The following PRKD1 variants were observed in gnomAD, a reference collection of about 807,000 sequenced individuals.
The protein encoded by PRKD1 is serine/threonine-protein kinase D1.
A neutral mutation model predicts 95.9 loss-of-function variants in PRKD1; 63 were observed. That is an observed-to-expected ratio of 0.66 (90% confidence interval 0.54 to 0.81). The LOEUF (loss-of-function observed/expected upper bound fraction) is 0.81, where lower values mean the gene tolerates loss of function less well. Among genes scored for constraint, PRKD1 ranks in the 30% least tolerant of loss-of-function variants. The pLI is 0.00. For missense variants in PRKD1, 1,048 were observed against 1,165.3 expected (o/e 0.90, Z 1.47); for synonymous variants, 425 against 423.1 (o/e 1.00, Z -0.05).
intron 1 of PRKD1, among the ~76,000 whole-genome samples, chr14:29,840,779 T>C (rs1891809041): frequency 6.6e-6 from 1 of 152,138 alleles, no homozygotes; most frequent in Non-Finnish European, 1.5e-5. Context: ...AAACCATTTA[T>C]AAAATCAGAT....
intron 2 of PRKD1, among the ~76,000 whole-genome samples, chr14:29,683,707 T>G (rs1008129366): frequency 5.3e-5 from 8 of 151,990 alleles, no homozygotes; most frequent in Non-Finnish European, 8.8e-5. Flanking sequence ...GGCTGAAAAA[T>G]AGTACAATGT....
At chr14:29,847,543 T>TA (rs749934203) in intron 1 of PRKD1, among the ~76,000 whole-genome samples, 18 of 151,006 alleles carry the variant, frequency 1.2e-4, no homozygotes, top group Non-Finnish European at 1.8e-4. Context: ...AAAACAAAAT[T>TA]AAAAAAAAAC....
intron 7 of PRKD1, among the ~76,000 whole-genome samples, chr14:29,635,651 A>C (rs2139126846): frequency 6.6e-6 from 1 of 152,300 alleles, no homozygotes; most frequent in Middle Eastern, 3.4e-3. Flanking sequence ...TAGTTTTTGC[A>C]AAAGACCTAA....
intron 1 of PRKD1, among the ~76,000 whole-genome samples, chr14:29,856,040 T>C (rs1892487294): frequency 6.6e-6 from 1 of 152,184 alleles, no homozygotes; most frequent in Non-Finnish European, 1.5e-5. Flanking sequence ...AATAGAGTCA[T>C]TCTCTTCCTT....
At chr14:29,583,503 G>T (rs1200081005) in intron 16 of PRKD1, among the ~76,000 whole-genome samples, 1 of 152,094 alleles carries the variant, frequency 6.6e-6, no homozygotes, top group Non-Finnish European at 1.5e-5. Flanking sequence ...TCGAAAAGTG[G>T]TATGATTATT....
intron 1 of PRKD1, among the ~76,000 whole-genome samples, chr14:29,906,720 C>A (rs371231022): frequency 3.3e-5 from 5 of 152,230 alleles, no homozygotes; most frequent in South Asian, 4.1e-4. Context: ...TGGCTGGAGG[C>A]CACTCTGCTG....
intron 2 of PRKD1, among the ~76,000 whole-genome samples, chr14:29,680,178 T>C (rs985966150): frequency 6.6e-6 from 1 of 152,142 alleles, no homozygotes; most frequent in Non-Finnish European, 1.5e-5. Context: ...TTTATTTTAG[T>C]TAAAAGTATC....
In PRKD1 at chr14:29,669,551, T is replaced by TAAAAAC. The variant is rs1230269817; in HGVS notation, c.404-3349_404-3344dup. ...GCTATTTTTAAGGTATTCTGTAGAT[T>TAAAAAC]AAAAACAAAAACAAAAACAAAACAA... On this transcript the variant is annotated intron_variant, in intron 2 of 17. Transcript: ENST00000331968. 2.0e-5 allele frequency among the ~76,000 whole-genome samples: 3 copies of TAAAAAC among 152,200 alleles called. No individual in the cohort carries two copies. In the South Asian group the frequency reaches 6.2e-4, roughly 32 times the overall value.
At chr14:29,590,396 C>A in intron 16 of PRKD1, among the ~76,000 whole-genome samples, 1 of 152,220 alleles carries the variant, frequency 6.6e-6, no homozygotes, top group Admixed American at 6.5e-5. Flanking sequence ...TTATTAAAAA[C>A]GTTAAGCTTT....
chr14:29,761,836 G>A (rs2139489784), intron 1 of PRKD1, among the ~76,000 whole-genome samples: 1 of 142,780 alleles, frequency 7.0e-6, no homozygotes, highest in Non-Finnish European at 1.5e-5. Context: ...AGGCTGGACT[G>A]CGGTGGCATG....
At position 29,680,237 on chromosome 14, in the gene PRKD1, C is replaced by T. The variant is rs142090117; in HGVS notation, c.404-14029G>A. Among the ~76,000 whole-genome samples the T allele has an allele frequency of 1.2e-4, 19 of 152,254 alleles. No individual in the cohort carries two copies. In the East Asian group the frequency reaches 3.3e-3, roughly 26 times the overall value. On this transcript the variant is annotated intron_variant, in intron 2 of 17. Transcript: ENST00000331968. Reference sequence around the variant, plus strand: ...ACATGTGCAATTAAAAAAATAATAACCCCCATTGTACTGTCCATACCACTA... The same window carrying T: ...ACATGTGCAATTAAAAAAATAATAATCCCCATTGTACTGTCCATACCACTA...
intron 1 of PRKD1, among the ~76,000 whole-genome samples, chr14:29,863,481 T>C (rs1330435323): frequency 6.6e-6 from 1 of 152,164 alleles, no homozygotes; most frequent in Non-Finnish European, 1.5e-5. Context: ...AGTTTTTCCT[T>C]TCTCTCGAAA....
intron 1 of PRKD1, among the ~76,000 whole-genome samples, chr14:29,801,984 G>A (rs146519313): frequency 5.9e-5 from 9 of 152,268 alleles, no homozygotes; most frequent in African/African-American, 1.4e-4. Flanking sequence ...CACCAGGCCC[G>A]GCCTGGGTCT....
At chr14:29,626,718 C>CT (rs34249162) in intron 11 of PRKD1, among the ~76,000 whole-genome samples, 162 bp from the exon 12 acceptor site, 67,770 of 143,362 alleles carry the variant, frequency 0.47, 18,746 homozygotes, top group East Asian at 0.66. Context: ...AAAGCACACT[C>CT]TTTTTTTTTT....
At chr14:29,690,280 A>T (rs1294417428) in intron 2 of PRKD1, among the ~76,000 whole-genome samples, 3 of 152,180 alleles carry the variant, frequency 2.0e-5, no homozygotes, top group African/African-American at 7.2e-5. Context: ...GATTTGTGTT[A>T]TCAGCTGTCT....
chr14:29,582,387 C>G (rs867683206), intron 16 of PRKD1, among the ~76,000 whole-genome samples: 1 of 150,844 alleles, frequency 6.6e-6, no homozygotes, highest in Non-Finnish European at 1.5e-5. Flanking sequence ...TGAATAATTT[C>G]AGAATCCATT....
At chr14:29,693,187 A>G (rs2139303387) in intron 2 of PRKD1, among the ~76,000 whole-genome samples, 1 of 152,278 alleles carries the variant, frequency 6.6e-6, no homozygotes, top group African/African-American at 2.4e-5. Flanking sequence ...AATTCTAAAA[A>G]TGTTGAAACT....
intron 1 of PRKD1, among the ~76,000 whole-genome samples, chr14:29,823,450 T>C: frequency 6.6e-6 from 1 of 152,346 alleles, no homozygotes; most frequent in Non-Finnish European, 1.5e-5. Context: ...TTAAAGTATA[T>C]ATTTAATTAA....
chr14:29,665,217 A>T (rs1198001760), intron 3 of PRKD1, among the ~76,000 whole-genome samples: 2 of 152,170 alleles, frequency 1.3e-5, no homozygotes, highest in African/African-American at 4.8e-5. Flanking sequence ...TCCATCATGC[A>T]TTATTTTTTA....
Sources: allele counts gnomAD v4.1 joint callset (sites outside exome capture counted in the v4.1 genomes callset), GRCh38; gene constraint gnomAD v4.1.1; transcripts MANE v1.5; gene names NCBI Gene and HGNC (gene_info 2026-07-23, HGNC 2026-07-21).